Variants in FAF1 observed in about 807,000 individuals in gnomAD.
FAF1 encodes FAS-associated factor 1.
FAF1 carries 25 observed loss-of-function variants against 92.5 expected under a neutral mutation model. The observed-to-expected ratio is 0.27, with a 90% CI of 0.20 to 0.38. The LOEUF is 0.38. Among genes scored for constraint, FAF1 ranks in the 10% least tolerant of loss-of-function variants. FAF1 has a pLI of 1.00. For missense variants in FAF1, 636 were observed against 793.3 expected (o/e 0.80, Z 2.38); for synonymous variants, 234 against 273.2 (o/e 0.86, Z 1.42).
rs1023271136 is a variant in FAF1, at chr1:50,820,033, G to A, written c.115-18356C>T. The stretch of plus-strand genomic sequence containing the variant: ...ATCCATATGTCGTTTGTACGTGCAC[G>A]GCATCCTTTCTCCTCCCCATGCCTT... On this transcript the variant is annotated intron_variant, in intron 2 of 18. Transcript: ENST00000396153. Among the ~76,000 whole-genome samples, 7 of 151,524 alleles carry A rather than the reference G, an allele frequency of 4.6e-5. No homozygotes were observed. The South Asian group carries it at 8.3e-4, about 18-fold the overall frequency.
chr1:50,557,437 T>C (rs901181740), intron 13 of FAF1, among the ~76,000 whole-genome samples: 6 of 152,200 alleles, frequency 3.9e-5, no homozygotes, highest in East Asian at 1.9e-4. Flanking sequence ...GGACACCCAA[T>C]CTATTCTTTA....
chr1:50,612,385 G>C (rs1037371551), intron 8 of FAF1: 13 of 1,213,318 alleles, frequency 1.1e-5, no homozygotes, highest in Non-Finnish European at 1.3e-5. Flanking sequence ...GGTTCCGTTA[G>C]TGGAGAAACC....
intron 12 of FAF1, among the ~76,000 whole-genome samples, chr1:50,579,940 G>A (rs1313512664): frequency 1.3e-5 from 2 of 152,108 alleles, no homozygotes; most frequent in Admixed American, 6.6e-5. Flanking sequence ...GAGAATTATC[G>A]TTAATTTTGT....
chr1:50,948,715 G>A (rs1423733352), intron 1 of FAF1, among the ~76,000 whole-genome samples: 2 of 151,892 alleles, frequency 1.3e-5, no homozygotes, highest in East Asian at 3.9e-4. Context: ...TAGTAGAGAT[G>A]GGGTTTCACC....
intron 15 of FAF1, among the ~76,000 whole-genome samples, chr1:50,498,849 C>CG (rs1553220031): frequency 3.6e-5 from 3 of 83,322 alleles, no homozygotes; most frequent in African/African-American, 1.2e-4. Flanking sequence ...ACCTCTGTCT[C>CG]AAAAAAAAAA....
chr1:50,877,540 A>G (rs1372416251), intron 1 of FAF1, among the ~76,000 whole-genome samples: 2 of 152,284 alleles, frequency 1.3e-5, no homozygotes, highest in Non-Finnish European at 2.9e-5. Flanking sequence ...ACATGTAAAT[A>G]TACATTAGGG....
Position 50,437,240 on chromosome 1 carries a change from G to A in FAF1, c.*4200C>T, listed in dbSNP as rs1481266685. 1 of 152,178 alleles carries A rather than the reference G, an allele frequency of 6.6e-6. No homozygotes were observed. Among genetic ancestry groups the A allele is most frequent in the Non-Finnish European group, 1.5e-5 (1 of 68,018 alleles). 9.4% of individuals were successfully genotyped at this position (152,178 alleles called of 1,614,324 possible). A position where few individuals can be genotyped will look rare whatever the true frequency, so the allele number is the denominator to read the frequency against. ...GAGGTTTCTTTTAGATAAAAATACG[G>A]ATTGATAAAAAGAATGGACAGATTC... On this transcript the variant is annotated 3_prime_UTR_variant, in exon 19 of 19. Transcript: ENST00000396153.
intron 1 of FAF1, among the ~76,000 whole-genome samples, chr1:50,873,504 C>T (rs935261087): frequency 3.9e-5 from 6 of 152,154 alleles, no homozygotes; most frequent in South Asian, 2.1e-4. Context: ...ACTTACTTCC[C>T]CATCTGGGCA....
chr1:50,609,868 A>G (rs1652610051), intron 8 of FAF1, among the ~76,000 whole-genome samples: 2 of 152,092 alleles, frequency 1.3e-5, no homozygotes, highest in African/African-American at 4.8e-5. Flanking sequence ...GAATAAAGAG[A>G]ACAACTTATG....
At chr1:50,717,558 TATTC>T (rs1658228014) in intron 6 of FAF1, among the ~76,000 whole-genome samples, 1 of 152,220 alleles carries the variant, frequency 6.6e-6, no homozygotes, top group Admixed American at 6.5e-5. Flanking sequence ...AGGGCCTCTG[TATTC>T]ATAGTACTCA....
intron 4 of FAF1, among the ~76,000 whole-genome samples, chr1:50,755,332 T>C (rs1360508759): frequency 6.6e-6 from 1 of 152,108 alleles, no homozygotes; most frequent in Non-Finnish European, 1.5e-5. Flanking sequence ...AGCAGGGCAG[T>C]CAAATCTTAA....
intron 18 of FAF1, among the ~76,000 whole-genome samples, chr1:50,450,016 C>G (rs2148978960): frequency 6.6e-6 from 1 of 151,430 alleles, no homozygotes; most frequent in Non-Finnish European, 1.5e-5. Context: ...CCACCATGGT[C>G]AAATACTGTC....
chr1:50,952,414 A>G (rs1360876489), intron 1 of FAF1, among the ~76,000 whole-genome samples: 2 of 152,194 alleles, frequency 1.3e-5, no homozygotes, highest in Admixed American at 6.5e-5. Flanking sequence ...TCAGTGCTCA[A>G]TGTTGCCCAG....
At chr1:50,765,251 A>G (rs542737396) in intron 4 of FAF1, among the ~76,000 whole-genome samples, 30 of 152,374 alleles carry the variant, frequency 2.0e-4, no homozygotes, top group African/African-American at 7.0e-4. Context: ...CAATAAACTG[A>G]AAACACTTTA....
intron 8 of FAF1, among the ~76,000 whole-genome samples, chr1:50,624,853 T>A (rs897383333): frequency 5.3e-5 from 8 of 151,644 alleles, no homozygotes; most frequent in Middle Eastern, 3.4e-3. Flanking sequence ...CAAAGTGAAA[T>A]CAGGTTTAAC....
intron 15 of FAF1, among the ~76,000 whole-genome samples, chr1:50,527,811 G>GTCTCTCTCTCTCTCTCTC (rs9326017): frequency 6.6e-5 from 5 of 75,314 alleles, no homozygotes; most frequent in South Asian, 3.8e-4. Context: ...TTACTCTGCT[G>GTCTCTCTCTCTCTCTCTC]TCTCTCTCTC....
intron 6 of FAF1, among the ~76,000 whole-genome samples, chr1:50,713,716 G>T (rs1658047995): frequency 6.6e-6 from 1 of 150,958 alleles, no homozygotes; most frequent in Admixed American, 6.6e-5. Flanking sequence ...TCCTGCTGCA[G>T]CCTCCTGAGT....
intron 7 of FAF1, among the ~76,000 whole-genome samples, chr1:50,684,328 T>C (rs1212187660): frequency 6.6e-6 from 1 of 150,702 alleles, no homozygotes; most frequent in African/African-American, 2.4e-5. Context: ...CAATGGACCA[T>C]TTTAAAACTC....
At chr1:50,561,024 C>T (rs1287692618) in intron 13 of FAF1, among the ~76,000 whole-genome samples, 5 of 152,164 alleles carry the variant, frequency 3.3e-5, no homozygotes, top group African/African-American at 1.2e-4. Flanking sequence ...TGCCTGAATG[C>T]TTGGTCTCTT....
Sources: gnomAD v4.1 joint callset for allele counts (sites outside exome capture counted in the v4.1 genomes callset) on GRCh38, gnomAD v4.1.1 for gene constraint, MANE v1.5 for transcripts, NCBI Gene and HGNC (gene_info 2026-07-23, HGNC 2026-07-21) for gene names.